The following KCNH8 variants were observed in gnomAD, a reference collection of about 807,000 sequenced individuals.
The protein encoded by KCNH8 is voltage-gated delayed rectifier potassium channel KCNH8.
KCNH8 carries 70 observed loss-of-function variants against 103.6 expected under a neutral mutation model. That is an observed-to-expected ratio of 0.68 (90% CI 0.56 to 0.82). KCNH8 has a LOEUF of 0.82. KCNH8 is among the 40% of genes least tolerant of loss of function. The probability of loss-of-function intolerance (pLI) is 0.00; values close to 1 mark genes in which losing one functional copy is unlikely to be tolerated. For missense variants in KCNH8, 1,217 were observed against 1,329.9 expected, an observed-to-expected ratio of 0.92 and a Z score of 1.32; for synonymous variants, 498 against 489.4, an observed-to-expected ratio of 1.02 and a Z score of -0.23.
intron 11 of KCNH8, among the ~76,000 whole-genome samples, chr3:19,468,523 C>T (rs1354531106): frequency 2.6e-5 from 4 of 152,092 alleles, no homozygotes; most frequent in African/African-American, 9.7e-5. Context: ...TTTTCACTTC[C>T]CCTAAGTTCA....
intron 3 of KCNH8, among the ~76,000 whole-genome samples, chr3:19,324,349 A>T (rs963347897): frequency 6.6e-6 from 1 of 152,198 alleles, no homozygotes; most frequent in Non-Finnish European, 1.5e-5. Flanking sequence ...CCTTCTTCAC[A>T]AGGAAGCAGG....
At chr3:19,513,552 C>G (rs1312189389) in intron 13 of KCNH8, among the ~76,000 whole-genome samples, 1 of 152,100 alleles carries the variant, frequency 6.6e-6, no homozygotes, top group Non-Finnish European at 1.5e-5. Flanking sequence ...AGAAATCCTT[C>G]TTTACTCCTT....
chr3:19,264,467 G>C (rs972448362), intron 2 of KCNH8, among the ~76,000 whole-genome samples: 2 of 152,066 alleles, frequency 1.3e-5, no homozygotes, highest in African/African-American at 4.8e-5. Context: ...GGAGTTTTAC[G>C]TAAGTCCAGT....
intron 3 of KCNH8, among the ~76,000 whole-genome samples, chr3:19,341,319 A>G (rs1459358643): frequency 1.3e-5 from 2 of 152,068 alleles, no homozygotes; most frequent in African/African-American, 2.4e-5. Flanking sequence ...GGTGTTTTCT[A>G]TCTATCAGGA....
intron 11 of KCNH8, among the ~76,000 whole-genome samples, chr3:19,501,668 AC>A (rs1371771968): frequency 1.3e-5 from 2 of 152,212 alleles, no homozygotes; most frequent in African/African-American, 4.8e-5. Context: ...AGAACCAAAG[AC>A]AAAAACCACA....
intron 11 of KCNH8, among the ~76,000 whole-genome samples, chr3:19,500,223 C>G (rs1428717206): frequency 6.6e-6 from 1 of 152,186 alleles, no homozygotes; most frequent in Non-Finnish European, 1.5e-5. Context: ...GGGATCAATT[C>G]AACAAGAGCT....
chr3:19,252,206 A>G (rs544328177), intron 1 of KCNH8, among the ~76,000 whole-genome samples: 20 of 152,182 alleles, frequency 1.3e-4, no homozygotes, highest in Admixed American at 9.8e-4. Flanking sequence ...TTATATTCAA[A>G]TTAAATCTCA....
At chr3:19,476,088 A>G (rs2067968953) in intron 11 of KCNH8, among the ~76,000 whole-genome samples, 1 of 152,164 alleles carries the variant, frequency 6.6e-6, no homozygotes, top group Non-Finnish European at 1.5e-5. Flanking sequence ...AGTTTCGAAG[A>G]TTTCTTTAAG....
At chr3:19,246,466 G>A (rs1414782617) in intron 1 of KCNH8, among the ~76,000 whole-genome samples, 2 of 151,402 alleles carry the variant, frequency 1.3e-5, no homozygotes, top group African/African-American at 4.9e-5. Flanking sequence ...TAGTAGAGAT[G>A]GGGTTTCACC....
chr3:19,371,814 T>C (rs1030313807), intron 5 of KCNH8, among the ~76,000 whole-genome samples: 18 of 151,518 alleles, frequency 1.2e-4, no homozygotes, highest in Admixed American at 1.1e-3. Context: ...GGATCCAGTT[T>C]CAGCTTTCTA....
intron 11 of KCNH8, among the ~76,000 whole-genome samples, chr3:19,466,625 ATTG>A (rs1239171086): frequency 1.1e-4 from 15 of 132,128 alleles, no homozygotes; most frequent in East Asian, 5.1e-4. Flanking sequence ...GACTCAGATG[ATTG>A]TTAACATTTT....
intron 1 of KCNH8, among the ~76,000 whole-genome samples, chr3:19,166,951 T>A (rs1243955415): frequency 6.6e-6 from 1 of 152,234 alleles, no homozygotes; most frequent in East Asian, 1.9e-4. Flanking sequence ...GTATCTCAGT[T>A]GTGGTGCTGG....
intron 1 of KCNH8, among the ~76,000 whole-genome samples, chr3:19,182,479 C>T (rs1469364833): frequency 1.3e-5 from 2 of 152,156 alleles, no homozygotes; most frequent in Non-Finnish European, 2.9e-5. Flanking sequence ...TGCCGTGAGC[C>T]AAGATCGCGC....
Position 19,226,791 on chromosome 3 carries a change from C to G in KCNH8, c.77-26863C>G, listed in dbSNP as rs935809985. On this transcript the variant is annotated intron_variant, in intron 1 of 15. Transcript: ENST00000328405. ...ATAATTGGAATGGTGCCTTCTGGGG[C>G]TCTGCAGTGCCCTTCAAGAGCAGGA... 5.3e-5 allele frequency among the ~76,000 whole-genome samples: 8 copies of G among 152,254 alleles called. 1 individual carries two copies. The highest frequency in any genetic ancestry group is 6.8e-3 in the Middle Eastern group (2 of 294).
At chr3:19,503,563 T>C (rs1288543472) in intron 11 of KCNH8, among the ~76,000 whole-genome samples, 2 of 151,996 alleles carry the variant, frequency 1.3e-5, no homozygotes, top group Non-Finnish European at 2.9e-5. Flanking sequence ...ATTAAGAAAA[T>C]GTGGCACATA....
At chr3:19,429,428 C>A (rs2067085327) in intron 7 of KCNH8, among the ~76,000 whole-genome samples, 1 of 152,128 alleles carries the variant, frequency 6.6e-6, no homozygotes, top group Non-Finnish European at 1.5e-5. Context: ...CCCGCCTCGG[C>A]CTCCCAAAGT....
intron 11 of KCNH8, among the ~76,000 whole-genome samples, chr3:19,493,814 AC>A (rs1204397789): frequency 6.6e-6 from 1 of 152,200 alleles, no homozygotes; most frequent in Non-Finnish European, 1.5e-5. Context: ...ATTACAAATT[AC>A]ATTAGTACAT....
intron 1 of KCNH8, among the ~76,000 whole-genome samples, chr3:19,221,352 T>C (rs771025753): frequency 1.3e-5 from 2 of 152,120 alleles, no homozygotes; most frequent in Non-Finnish European, 2.9e-5. Context: ...CAGAATTGTG[T>C]GAATGGGGAA....
At position 19,253,701 on chromosome 3, in the gene KCNH8, A is replaced by T; in HGVS notation, c.124A>T (p.Ile42Leu). The change falls in exon 2 of 16, where the codon ATA becomes TTA. Residue 42 changes from isoleucine (I) to leucine (L), a missense_variant. Physicochemically the swap from Ile to Leu is conservative, Grantham distance 5. Coordinates refer to ENST00000328405, the MANE Select transcript of KCNH8 (RefSeq NM_144633.3). ...TGCCCAGGTGGCTAAGGGTTTCCCC[A>T]TAGTCTACTGTTCCGATGGCTTCTG... ...ANAQVAKGFP[I>L]VYCSDGFCEL... The T allele has an allele frequency of 6.2e-7, 1 of 1,613,712 alleles. No individual in the cohort carries two copies. Among genetic ancestry groups the T allele is most frequent in the Non-Finnish European group, 8.5e-7 (1 of 1,179,894 alleles).
Sources: gnomAD v4.1 joint callset for allele counts (sites outside exome capture counted in the v4.1 genomes callset) on GRCh38, gnomAD v4.1.1 for gene constraint, MANE v1.5 for transcripts, NCBI Gene and HGNC (gene_info 2026-07-23, HGNC 2026-07-21) for gene names.